Variants in HIVEP3 observed in about 807,000 individuals in gnomAD.
HIVEP3 encodes the protein transcription factor HIVEP3.
HIVEP3 carries 49 observed loss-of-function variants against 152.8 expected under a neutral mutation model. The observed-to-expected ratio is 0.32, with a 90% CI of 0.26 to 0.41. The LOEUF is 0.41. Among genes scored for constraint, HIVEP3 ranks in the 10% least tolerant of loss-of-function variants. The pLI, the probability that HIVEP3 is intolerant of heterozygous loss-of-function variation, is 1.00. For missense variants in HIVEP3, 2,790 were observed against 3,103.3 expected, an observed-to-expected ratio of 0.90 and a Z score of 2.40; for synonymous variants, 1,269 against 1,289.0, an observed-to-expected ratio of 0.98 and a Z score of 0.33.
rs1417464430 is a variant in HIVEP3 at position 41,512,969 on chromosome 1, C to T, written c.6252G>A (p.Ala2084=). The change falls in exon 8 of 9, where the codon GCG becomes GCA. Residue 2084 remains alanine, a synonymous_variant. Transcript: ENST00000372583. Reference sequence around the variant, plus strand: ...CAGCCAAGGCCCACTTCCCTGGCGGCGCTGACCGTGGTGGTGACTCGGCCT... The same window carrying T: ...CAGCCAAGGCCCACTTCCCTGGCGGTGCTGACCGTGGTGGTGACTCGGCCT... The part of the protein sequence containing the change: ...PGQAESPPRS[A]PPGKWALAGP... 2 of 1,611,920 alleles carry T rather than the reference C, an allele frequency of 1.2e-6. No individual in the cohort carries two copies. Among genetic ancestry groups the T allele is most frequent in the Admixed American group, 1.7e-5 (1 of 59,800 alleles).
intron 5 of HIVEP3, among the ~76,000 whole-genome samples, chr1:41,528,924 C>T (rs1643126728): frequency 1.5e-5 from 2 of 135,070 alleles, no homozygotes; most frequent in Admixed American, 7.3e-5. Context: ...CCTTCGCACA[C>T]CCCCGCCCTC....
chr1:41,580,470 T>C lies in HIVEP3; in HGVS notation c.4328A>G (p.Glu1443Gly). 1 of 1,614,206 alleles carries C rather than the reference T, an allele frequency of 6.2e-7. No individual in the cohort carries two copies. The highest frequency in any genetic ancestry group is 2.2e-5 in the East Asian group (1 of 44,872). ...CTTCACTCTTTTTTGCTGCTGGGTT[T>C]CCATGGTAAGTTCAAGGCTGCCAGC... is the stretch of plus-strand genomic sequence containing the variant. ...SPAGSLELTM[E>G]TQQQKRVKEE... is the part of the protein sequence containing the mutation. The change falls in exon 4 of 9, where the codon GAA (glutamate) becomes GGA (glycine). Residue 1443 changes from glutamate (E) to glycine (G), a missense_variant. Glu to Gly is a moderately conservative substitution (Grantham distance 98). This residue lies in a region of HIVEP3 where 1,078 missense variants were observed against 1,165.3 expected (regional missense o/e 0.93). Coordinates refer to ENST00000372583, the MANE Select transcript of HIVEP3 (RefSeq NM_024503.5).
chr1:42,000,991 AC>A (rs1247468488), intron 1 of HIVEP3, among the ~76,000 whole-genome samples: 1 of 152,168 alleles, frequency 6.6e-6, no homozygotes, highest in Non-Finnish European at 1.5e-5. Flanking sequence ...ACTTGCAACA[AC>A]CCCATGAAGC....
At chr1:41,527,312 ACAC>A (rs1643010379) in intron 5 of HIVEP3, among the ~76,000 whole-genome samples, 3 of 35,134 alleles carry the variant, frequency 8.5e-5, no homozygotes, top group Non-Finnish European at 1.9e-4. Context: ...CTCACACTTC[ACAC>A]CCCTGCACTC....
At chr1:41,893,976 A>T (rs1054752583) in intron 1 of HIVEP3, among the ~76,000 whole-genome samples, 1 of 151,016 alleles carries the variant, frequency 6.6e-6, no homozygotes, top group Non-Finnish European at 1.5e-5. Context: ...GCCAGAGTGC[A>T]GTGGCATGAT....
At chr1:41,730,050 G>A (rs1570413792) in intron 1 of HIVEP3, among the ~76,000 whole-genome samples, 1 of 152,188 alleles carries the variant, frequency 6.6e-6, no homozygotes, top group Non-Finnish European at 1.5e-5. Flanking sequence ...GGGGTTGAGC[G>A]TGTTTAACCT....
chr1:41,960,131 G>A (rs962199420), intron 1 of HIVEP3, among the ~76,000 whole-genome samples: 4 of 152,144 alleles, frequency 2.6e-5, no homozygotes, highest in African/African-American at 9.7e-5. Flanking sequence ...GATGAAAGTT[G>A]GGCCAGAAAG....
At chr1:41,848,742 T>C (rs1643511555) in intron 1 of HIVEP3, 1 of 152,520 alleles carries the variant, frequency 6.6e-6, no homozygotes, top group East Asian at 1.9e-4. Context: ...CACCACACCC[T>C]TGTCCCTGCT....
At chr1:41,727,866 A>T (rs1236894180) in intron 1 of HIVEP3, among the ~76,000 whole-genome samples, 1 of 152,208 alleles carries the variant, frequency 6.6e-6, no homozygotes, top group Middle Eastern at 3.2e-3. Context: ...TATCTATAAA[A>T]TGGGTATAAC....
chr1:41,954,369 G>A (rs1004703432), intron 1 of HIVEP3, among the ~76,000 whole-genome samples: 6 of 152,164 alleles, frequency 3.9e-5, no homozygotes, highest in Non-Finnish European at 5.9e-5. Context: ...GCTGATTAGG[G>A]AGGCCACATA....
intron 2 of HIVEP3, among the ~76,000 whole-genome samples, chr1:41,690,560 C>G (rs1464942922): frequency 3.3e-5 from 5 of 152,212 alleles, no homozygotes; most frequent in Admixed American, 3.3e-4. Flanking sequence ...TCAGATCCTC[C>G]TGAGCATCTC....
intron 1 of HIVEP3, among the ~76,000 whole-genome samples, chr1:42,017,762 A>G (rs907782393): frequency 6.6e-6 from 1 of 151,974 alleles, no homozygotes. Context: ...TATATACTAC[A>G]TTTGTTTGTC....
rs1229651905 is a variant in HIVEP3 at position 41,545,338 on chromosome 1, TCAC to T, written c.5208-20431_5208-20429del. Among the ~76,000 whole-genome samples, 84 of 47,234 alleles carry T rather than the reference TCAC, an allele frequency of 1.8e-3. 2 individuals carry two copies. Among genetic ancestry groups the T allele is most frequent in the African/African-American group, 3.1e-3 (33 of 10,730 alleles). 31.0% of individuals were successfully genotyped at this position (47,234 alleles called of 152,430 possible). ...GCTACCATCGCCACCATCACCACTA[TCAC>T]CACCACCATCATCGCCACCATCACC... On this transcript the variant is annotated intron_variant, in intron 5 of 8. Coordinates refer to ENST00000372583, the MANE Select transcript of HIVEP3 (RefSeq NM_024503.5).
intron 2 of HIVEP3, among the ~76,000 whole-genome samples, chr1:41,679,053 G>A (rs1227985908): frequency 2.0e-5 from 3 of 152,164 alleles, no homozygotes; most frequent in Non-Finnish European, 2.9e-5. Context: ...GCTCCACAAG[G>A]GATACATCTC....
chr1:41,689,688 C>T (rs112371664), intron 2 of HIVEP3, among the ~76,000 whole-genome samples: 62 of 152,296 alleles, frequency 4.1e-4, no homozygotes, highest in African/African-American at 1.3e-3. Flanking sequence ...TGAAAATAGC[C>T]GCCCGACTAT....
chr1:41,757,728 T>TATTTA, intron 1 of HIVEP3, among the ~76,000 whole-genome samples: 1 of 151,914 alleles, frequency 6.6e-6, no homozygotes. Context: ...TTTATTTATT[T>TATTTA]TTGAGACGGA....
chr1:41,630,710 C>A (rs536372307), intron 2 of HIVEP3, among the ~76,000 whole-genome samples: 2 of 152,166 alleles, frequency 1.3e-5, no homozygotes, highest in African/African-American at 4.8e-5. Context: ...GAGAACCCAG[C>A]CCACCAACAC....
chr1:41,923,200 G>A (rs1270828706), upstream of HIVEP3, among the ~76,000 whole-genome samples: 1 of 152,250 alleles, frequency 6.6e-6, no homozygotes, highest in Non-Finnish European at 1.5e-5. Context: ...TTTTAAATCA[G>A]TGGAGGAAAG....
At chr1:41,545,584 T>TCACCACCACCACCACCAC (rs1558049155) in intron 5 of HIVEP3, among the ~76,000 whole-genome samples, 2 of 15,264 alleles carry the variant, frequency 1.3e-4, no homozygotes, top group Admixed American at 9.7e-4. Context: ...ACCACCACCA[T>TCACCACCACCACCACCAC]CACCATCACC....
Sources: allele counts gnomAD v4.1 joint callset (sites outside exome capture counted in the v4.1 genomes callset), GRCh38; gene constraint gnomAD v4.1.1; regional missense constraint gnomAD v4.1.1; transcripts MANE v1.5; gene names NCBI Gene and HGNC (gene_info 2026-07-23, HGNC 2026-07-21).